Variants in RIC3 observed in about 807,000 individuals in gnomAD.
RIC3 encodes RIC3 acetylcholine receptor chaperone, also known as protein RIC-3.
RIC3 carries 28 observed loss-of-function variants against 27.3 expected under a neutral mutation model. The ratio of observed to expected loss-of-function variants is 1.02; its 90% CI spans 0.76 to 1.41. The LOEUF (loss-of-function observed/expected upper bound fraction) is 1.41. Among genes scored for constraint, RIC3 ranks in the 40% most tolerant of loss-of-function variants. The pLI, the probability that RIC3 is intolerant of heterozygous loss-of-function variation, is 0.00. For synonymous variants in RIC3, 184 were observed against 160.4 expected, an observed-to-expected ratio of 1.15 and a Z score of -1.11; for missense variants, 501 against 444.7, an observed-to-expected ratio of 1.13 and a Z score of -1.14.
intron 1 of RIC3, among the ~76,000 whole-genome samples, chr11:8,149,532 A>G (rs976383448): frequency 3.3e-5 from 5 of 152,216 alleles, no homozygotes; most frequent in South Asian, 2.1e-4. Context: ...TCTAATATAG[A>G]CAGAAACTAG....
At chr11:8,122,864 CAAAAAAAAAAAA>C (rs55826618) in intron 5 of RIC3, among the ~76,000 whole-genome samples, 2 of 63,514 alleles carry the variant, frequency 3.1e-5, no homozygotes, top group African/African-American at 5.7e-5. Context: ...ACCAGGTATG[CAAAAAAAAAAAA>C]AAAAAAAAAA....
chr11:8,146,670 G>C (rs1949711353), intron 1 of RIC3, among the ~76,000 whole-genome samples: 1 of 151,558 alleles, frequency 6.6e-6, no homozygotes, highest in Non-Finnish European at 1.5e-5. Flanking sequence ...AGAGAGACAT[G>C]AGACTTCAAT....
chr11:8,114,867 G>A (rs1945677478), intron 5 of RIC3, among the ~76,000 whole-genome samples: 1 of 152,078 alleles, frequency 6.6e-6, no homozygotes, highest in Non-Finnish European at 1.5e-5. Context: ...ATCAACAGCA[G>A]AACTGATTGA....
At chr11:8,100,596 C>CGCAA in the RIC3 span, 1 of 1,613,846 alleles carries the variant, frequency 6.2e-7, no homozygotes, top group Non-Finnish European at 8.5e-7. Context: ...TATCCGCCCC[C>CGCAA]GCAACGTGAG....
At chr11:8,111,660 G>T (rs1462887212) in intron 5 of RIC3, among the ~76,000 whole-genome samples, 1 of 152,178 alleles carries the variant, frequency 6.6e-6, no homozygotes, top group African/African-American at 2.4e-5. Flanking sequence ...AAAATAGAGA[G>T]CACTTTAGCA....
chr11:8,112,002 T>TTATC (rs1945319847), intron 5 of RIC3, among the ~76,000 whole-genome samples: 1 of 152,262 alleles, frequency 6.6e-6, no homozygotes, highest in South Asian at 2.1e-4. Flanking sequence ...TTGCCCATTA[T>TTATC]GATAATTGGC....
chr11:8,101,511 C>T (rs2133919719), downstream of RIC3: 1 of 1,614,206 alleles, frequency 6.2e-7, no homozygotes, highest in Middle Eastern at 1.6e-4. Flanking sequence ...TGCAGTTTGG[C>T]CGGGTAGCAG....
At chr11:8,142,304 A>G in intron 1 of RIC3, among the ~76,000 whole-genome samples, 1 of 146,264 alleles carries the variant, frequency 6.8e-6, no homozygotes, top group African/African-American at 2.7e-5. Context: ...AAAAAAAGAG[A>G]GAAGAATCAA....
At chr11:8,121,894 TTTTTA>T (rs1946500133) in intron 5 of RIC3, among the ~76,000 whole-genome samples, 2 of 152,104 alleles carry the variant, frequency 1.3e-5, no homozygotes, top group African/African-American at 4.8e-5. Flanking sequence ...AAATTAACCT[TTTTTA>T]TTTTGAGATA....
At chr11:8,135,756 C>G (rs1316475143) in intron 4 of RIC3, 1 of 152,046 alleles carries the variant, frequency 6.6e-6, no homozygotes, top group Non-Finnish European at 1.5e-5. Context: ...CTGGGGTTGC[C>G]AATGGCCCAG....
chr11:8,138,648 T>TG, intron 2 of RIC3: 1 of 359,928 alleles, frequency 2.8e-6, no homozygotes, highest in South Asian at 4.6e-5. Flanking sequence ...CAAGAACCTG[T>TG]GCTAACATGC....
At chr11:8,146,013 T>G (rs1046537675) in intron 1 of RIC3, among the ~76,000 whole-genome samples, 1 of 152,218 alleles carries the variant, frequency 6.6e-6, no homozygotes, top group African/African-American at 2.4e-5. Flanking sequence ...TATGATCCAA[T>G]GATCCCACTC....
At chr11:8,126,865 T>C (rs753883452) in intron 4 of RIC3, 58 bp from the exon 5 acceptor site, 2 of 1,593,896 alleles carry the variant, frequency 1.3e-6, no homozygotes, top group Non-Finnish European at 1.7e-6. Flanking sequence ...GCAATGGACG[T>C]AAACATCACT....
chr11:8,127,057 G>A (rs1414297473), intron 4 of RIC3, among the ~76,000 whole-genome samples: 1 of 152,174 alleles, frequency 6.6e-6, no homozygotes, highest in Non-Finnish European at 1.5e-5. Flanking sequence ...ATTAGTTAAT[G>A]TCAATACTAG....
the RIC3 span, chr11:8,098,770 G>A: frequency 6.2e-7 from 1 of 1,613,766 alleles, no homozygotes; most frequent in Non-Finnish European, 8.5e-7. Context: ...CCAACTTGAT[G>A]GGCACCAAGT....
At chr11:8,163,404 T>C (rs1951375461) in intron 1 of RIC3, among the ~76,000 whole-genome samples, 2 of 151,950 alleles carry the variant, frequency 1.3e-5, no homozygotes, top group Non-Finnish European at 2.9e-5. Context: ...TTACCACTTC[T>C]ATTCAACATT....
At chr11:8,101,773 G>A, downstream of RIC3, 3 of 1,371,724 alleles carry the variant, frequency 2.2e-6, no homozygotes, top group Non-Finnish European at 2.9e-6. Flanking sequence ...CCAGGAACTG[G>A]CTCCTTTGCC....
chr11:8,126,199 C>T (rs1052735770), intron 5 of RIC3, among the ~76,000 whole-genome samples: 2 of 152,104 alleles, frequency 1.3e-5, no homozygotes, highest in African/African-American at 4.8e-5. Context: ...ATAACCCAAA[C>T]GCTCCTCAAC....
chr11:8,094,337 T>C, the RIC3 span: 1 of 1,099,276 alleles, frequency 9.1e-7, no homozygotes, highest in Non-Finnish European at 1.3e-6. Context: ...CCCCCTCAGG[T>C]GGCTCACAGG....
Sources: gnomAD v4.1 joint callset for allele counts (sites outside exome capture counted in the v4.1 genomes callset) on GRCh38, gnomAD v4.1.1 for gene constraint, MANE v1.5 for transcripts, NCBI Gene and HGNC (gene_info 2026-07-23, HGNC 2026-07-21) for gene names.